DNAH5: variants seen among roughly 807,000 people sequenced by gnomAD.
DNAH5 encodes the protein dynein axonemal heavy chain 5.
DNAH5 carries 372 observed loss-of-function variants against 518.2 expected under a neutral mutation model. That is an observed-to-expected ratio of 0.72 (90% CI 0.66 to 0.78). The LOEUF is 0.78. DNAH5 is among the 30% of genes least tolerant of loss of function. The pLI is 0.00. For missense variants in DNAH5, 5,523 were observed against 5,687.0 expected, an observed-to-expected ratio of 0.97 and a Z score of 0.93; for synonymous variants, 2,039 against 2,025.9, an observed-to-expected ratio of 1.01 and a Z score of -0.17.
chr5:13,729,343 T>C, intron 69 of DNAH5, 96 bp downstream of exon 69: 1 of 1,527,962 alleles, frequency 6.5e-7, no homozygotes, highest in Non-Finnish European at 9.0e-7. Flanking sequence ...GTGACAATAT[T>C]AAGAACTATC....
At chr5:13,702,856 C>A (rs1416903876) in intron 76 of DNAH5, among the ~76,000 whole-genome samples, 1 of 152,038 alleles carries the variant, frequency 6.6e-6, no homozygotes, top group Non-Finnish European at 1.5e-5. Context: ...ATACCTGAGG[C>A]TCAGCACCAA....
chr5:13,840,733 T>C (rs891029764), intron 34 of DNAH5, among the ~76,000 whole-genome samples, 173 bp downstream of exon 34: 5 of 152,224 alleles, frequency 3.3e-5, no homozygotes. Context: ...AGAATATGAC[T>C]TACGTTCAGT....
intron 1 of DNAH5, among the ~76,000 whole-genome samples, chr5:13,941,637 C>G (rs1779468103): frequency 6.6e-6 from 1 of 152,204 alleles, no homozygotes; most frequent in Admixed American, 6.5e-5. Context: ...CCACTGGAAA[C>G]AATGGCTGCC....
chr5:13,747,916 C>T (rs926121856), intron 65 of DNAH5, among the ~76,000 whole-genome samples: 3 of 152,144 alleles, frequency 2.0e-5, no homozygotes, highest in African/African-American at 7.2e-5. Flanking sequence ...GCTTTTGTTG[C>T]CATTGCTTTT....
chr5:13,893,437 C>G (rs1773527354), intron 16 of DNAH5, among the ~76,000 whole-genome samples: 1 of 152,088 alleles, frequency 6.6e-6, no homozygotes, highest in Non-Finnish European at 1.5e-5. Flanking sequence ...ATGGATGTCT[C>G]CTACACACCC....
intron 52 of DNAH5, among the ~76,000 whole-genome samples, chr5:13,784,404 C>T (rs775830414): frequency 1.1e-4 from 17 of 152,144 alleles, no homozygotes; most frequent in Admixed American, 3.3e-4. Context: ...GCTCATAATT[C>T]GGTACAGATG....
intron 1 of DNAH5, among the ~76,000 whole-genome samples, chr5:13,940,955 A>G (rs2582683): frequency 0.86 from 130,871 of 152,210 alleles, 56,666 homozygotes; most frequent in Non-Finnish European, 0.91. Context: ...GGAATGGATA[A>G]GTTTTGCACA....
In DNAH5 at chr5:13,780,906, G is replaced by A. The variant is rs771977539; in HGVS notation, c.8874C>T (p.Gly2958=). ...PQGNALLVGV[G]GSGKQSLTRL... The stretch of plus-strand genomic sequence containing the variant: ...TCGTCAGGCTCTGCTTTCCTGATCC[G>A]CCCACCCCGACCAGGAGGGCATTTC... The change falls in exon 53 of 79, where the codon GGC becomes GGT. Residue 2958 remains glycine (G), a synonymous_variant. Coordinates refer to ENST00000265104, the MANE Select transcript of DNAH5 (RefSeq NM_001369.3). 60 of 1,613,724 alleles carry A rather than the reference G, an allele frequency of 3.7e-5. 1 individual carries two copies. The highest frequency in any genetic ancestry group is 4.4e-5 in the South Asian group (4 of 91,076).
At chr5:13,749,111 T>C (rs1476558774) in intron 65 of DNAH5, among the ~76,000 whole-genome samples, 1 of 152,054 alleles carries the variant, frequency 6.6e-6, no homozygotes, top group Non-Finnish European at 1.5e-5. Context: ...AGCATACTGC[T>C]GAAAATCCAT....
intron 75 of DNAH5, among the ~76,000 whole-genome samples, chr5:13,710,077 T>C (rs1743288595): frequency 6.6e-6 from 1 of 151,786 alleles, no homozygotes; most frequent in African/African-American, 2.4e-5. Context: ...CACCGCCAAC[T>C]CCGCCAGAAC....
chr5:13,710,768 G>A (rs1374142860), intron 75 of DNAH5, among the ~76,000 whole-genome samples: 1 of 152,132 alleles, frequency 6.6e-6, no homozygotes, highest in Non-Finnish European at 1.5e-5. Flanking sequence ...ACACCTAGAA[G>A]AGATAGGTAA....
At chr5:13,720,175 A>G (rs1274784106) in intron 71 of DNAH5, among the ~76,000 whole-genome samples, 1 of 146,214 alleles carries the variant, frequency 6.8e-6, no homozygotes. Context: ...AAAACTGATA[A>G]TTTAGAGATT....
At chr5:13,938,490 G>T (rs1481892995) in intron 1 of DNAH5, among the ~76,000 whole-genome samples, 1 of 151,232 alleles carries the variant, frequency 6.6e-6, no homozygotes, top group Non-Finnish European at 1.5e-5. Context: ...ATCTTTTACT[G>T]CACCTAATTT....
chr5:13,969,487 T>C (rs1006948225), intron 1 of DNAH5, among the ~76,000 whole-genome samples: 3 of 152,180 alleles, frequency 2.0e-5, no homozygotes, highest in African/African-American at 7.2e-5. Context: ...CCACTTTTGC[T>C]GGATCCCAGA....
At chr5:14,011,232 C>G (rs1160386934) in intron 1 of DNAH5, among the ~76,000 whole-genome samples, 2 of 152,186 alleles carry the variant, frequency 1.3e-5, no homozygotes, top group Admixed American at 6.5e-5. Flanking sequence ...CAACGAACGA[C>G]AGACACAAAA....
Position 13,752,272 on chromosome 5 carries a change from G to T in DNAH5, c.10890C>A (p.His3630Gln). 1 of 1,614,008 alleles carries T rather than the reference G, an allele frequency of 6.2e-7. No individual in the cohort carries two copies. The highest frequency in any genetic ancestry group is 1.1e-5 in the South Asian group (1 of 91,076). Residue 3630 changes from histidine (H) to glutamine (Q), a missense_variant, in exon 64 of 79, where the codon CAC (histidine) becomes CAA (glutamine). This residue lies in a region of DNAH5 where 5,121 missense variants were observed against 5,223.3 expected (regional missense o/e 0.98). Coordinates refer to ENST00000265104, the MANE Select transcript of DNAH5 (RefSeq NM_001369.3). ...CTTCCAGGTGGTTTCTGAAGTACTT[G>T]TGATTTAAAGACGTGATCTAGGAAC... ...RNELQITSLN[H>Q]KYFRNHLEDS...
chr5:13,839,388 A>C lies in DNAH5; in HGVS notation c.5850T>G (p.Thr1950=), dbSNP rs760072030. The C allele has an allele frequency of 1.9e-6, 3 of 1,614,160 alleles. No individual in the cohort carries two copies. Among genetic ancestry groups the C allele is most frequent in the Non-Finnish European group, 1.7e-6 (2 of 1,179,972 alleles). The change falls in exon 35 of 79, where the codon ACT becomes ACG. Residue 1950 remains threonine (T), a synonymous_variant. Transcript: ENST00000265104. ...FIYQNEFLGC[T]DRLVITPLTD... is the part of the protein sequence containing the mutation. ...TAAGTGGAGTTATTACAAGCCTGTC[A>C]GTGCAGCCTAAAAATTCATTCTGGT... is the stretch of plus-strand genomic sequence containing the variant.
intron 1 of DNAH5, among the ~76,000 whole-genome samples, chr5:13,988,727 C>CGTTTTTTTT: frequency 7.9e-6 from 1 of 126,634 alleles, no homozygotes; most frequent in Non-Finnish European, 1.6e-5. Context: ...CAGCCCAAAT[C>CGTTTTTTTT]TTTTTTTTTT....
intron 1 of DNAH5, among the ~76,000 whole-genome samples, chr5:14,007,356 T>C (rs1454317820): frequency 2.6e-5 from 4 of 152,120 alleles, no homozygotes; most frequent in Non-Finnish European, 5.9e-5. Flanking sequence ...TGTTTTTTTT[T>C]CCAATGTCCA....
Sources: gnomAD v4.1 joint callset for allele counts (sites outside exome capture counted in the v4.1 genomes callset) on GRCh38, gnomAD v4.1.1 for gene constraint, gnomAD v4.1.1 regional missense constraint, MANE v1.5 for transcripts, NCBI Gene and HGNC (gene_info 2026-07-23, HGNC 2026-07-21) for gene names.